Variants in ZPBP observed in about 807,000 individuals in gnomAD.
ZPBP encodes zona pellucida binding protein.
Under a neutral mutation model 44.8 loss-of-function variants are expected in ZPBP, and 26 were observed. The observed-to-expected ratio is 0.58, with a 90% CI of 0.43 to 0.81. The LOEUF (loss-of-function observed/expected upper bound fraction) is 0.81, where lower values mean the gene tolerates loss of function less well. Among genes scored for constraint, ZPBP ranks in the 30% least tolerant of loss-of-function variants. The pLI, the probability that ZPBP is intolerant of heterozygous loss-of-function variation, is 0.00. For missense variants in ZPBP, 409 were observed against 434.0 expected (o/e 0.94, Z 0.51); for synonymous variants, 174 against 153.2 (o/e 1.14, Z -1.00).
intron 2 of ZPBP, among the ~76,000 whole-genome samples, chr7:49,863,423 T>C (rs973467149): frequency 5.3e-5 from 8 of 152,150 alleles, no homozygotes; most frequent in Non-Finnish European, 7.4e-5. Flanking sequence ...TGATTCTCTC[T>C]CCCTTTTTTT....
At chr7:50,017,561 T>G (rs1034132907) in intron 6 of ZPBP, among the ~76,000 whole-genome samples, 4 of 152,124 alleles carry the variant, frequency 2.6e-5, no homozygotes, top group Non-Finnish European at 5.9e-5. Context: ...AAGAATCCCC[T>G]TGTCAATTTC....
At chr7:49,879,963 TTCTC>T (rs1791599034) in intron 2 of ZPBP, among the ~76,000 whole-genome samples, 1 of 152,206 alleles carries the variant, frequency 6.6e-6, no homozygotes, top group African/African-American at 2.4e-5. Flanking sequence ...AATTTCATTC[TTCTC>T]TCTGTTTTAT....
At chr7:49,919,497 C>T (rs1793907289) in intron 1 of ZPBP, 1 of 152,046 alleles carries the variant, frequency 6.6e-6, no homozygotes, top group South Asian at 2.1e-4. Flanking sequence ...ACATAAAAAA[C>T]TAAGTGCCTG....
chr7:49,886,058 A>G (rs902442430), intron 2 of ZPBP, among the ~76,000 whole-genome samples: 13 of 152,208 alleles, frequency 8.5e-5, no homozygotes, highest in Non-Finnish European at 1.8e-4. Flanking sequence ...TGTGTGCAAG[A>G]GCCTGGAGAT....
intron 1 of ZPBP, among the ~76,000 whole-genome samples, chr7:50,090,293 C>T (rs1220914901): frequency 6.6e-6 from 1 of 151,906 alleles, no homozygotes; most frequent in Non-Finnish European, 1.5e-5. Flanking sequence ...TTGTATCATT[C>T]TCATGCCTTT....
At chr7:49,861,324 T>C (rs1240053865) in intron 2 of ZPBP, among the ~76,000 whole-genome samples, 1 of 152,254 alleles carries the variant, frequency 6.6e-6, no homozygotes, top group African/African-American at 2.4e-5. Flanking sequence ...ACTGTTCAAC[T>C]CATTTTATTG....
intron 6 of ZPBP, among the ~76,000 whole-genome samples, chr7:49,985,021 G>A (rs1010221132): frequency 3.3e-5 from 5 of 152,012 alleles, no homozygotes; most frequent in East Asian, 3.9e-4. Flanking sequence ...AAAGATGCAC[G>A]TTACATTAAT....
chr7:49,910,574 T>A (rs1041882169), intron 1 of ZPBP, among the ~76,000 whole-genome samples: 35 of 150,012 alleles, frequency 2.3e-4, no homozygotes, highest in African/African-American at 8.6e-4. Context: ...GATCTACAGG[T>A]ATGAACCATA....
intron 2 of ZPBP, among the ~76,000 whole-genome samples, chr7:50,088,908 C>T (rs1242329191): frequency 6.7e-6 from 1 of 149,754 alleles, no homozygotes; most frequent in Non-Finnish European, 1.5e-5. Flanking sequence ...TTATCCCACC[C>T]TAAAAAGGAA....
intron 2 of ZPBP, among the ~76,000 whole-genome samples, chr7:49,873,257 A>T (rs1383537739): frequency 6.6e-6 from 1 of 152,182 alleles, no homozygotes; most frequent in Non-Finnish European, 1.5e-5. Flanking sequence ...TGGTGGCTGG[A>T]AGTCCAATAT....
At chr7:50,060,134 A>T (rs1460656070) in intron 3 of ZPBP, among the ~76,000 whole-genome samples, 1 of 152,154 alleles carries the variant, frequency 6.6e-6, no homozygotes, top group Non-Finnish European at 1.5e-5. Context: ...CACTCTCACT[A>T]TGGAACTCTG....
intron 7 of ZPBP, among the ~76,000 whole-genome samples, chr7:49,974,064 C>A (rs1280839365): frequency 1.3e-5 from 2 of 152,062 alleles, no homozygotes; most frequent in African/African-American, 4.8e-5. Flanking sequence ...TGTATGATTA[C>A]ACTTGTATAA....
At chr7:49,907,595 A>G (rs1793174906) in intron 1 of ZPBP, among the ~76,000 whole-genome samples, 1 of 152,190 alleles carries the variant, frequency 6.6e-6, no homozygotes, top group African/African-American at 2.4e-5. Context: ...CAGTCCCAGG[A>G]GAGTCTGAGA....
chr7:49,970,514 T>G (rs1434778033), intron 7 of ZPBP, among the ~76,000 whole-genome samples: 2 of 62,994 alleles, frequency 3.2e-5, no homozygotes, highest in Admixed American at 1.8e-4. Flanking sequence ...TTTTTTTTTT[T>G]GTCAAGGGCA....
chr7:50,058,681 GA>G (rs1246357509), intron 3 of ZPBP, among the ~76,000 whole-genome samples: 5 of 151,088 alleles, frequency 3.3e-5, no homozygotes, highest in African/African-American at 7.3e-5. Context: ...GTTTGCAGAA[GA>G]AAAAAAAATA....
At chr7:49,898,503 A>G (rs964928412) in intron 2 of ZPBP, among the ~76,000 whole-genome samples, 1 of 151,892 alleles carries the variant, frequency 6.6e-6, no homozygotes, top group African/African-American at 2.4e-5. Flanking sequence ...TTACTCCTTC[A>G]CTTTTGAAAG....
chr7:49,967,763 C>A, intron 7 of ZPBP, among the ~76,000 whole-genome samples: 1 of 152,148 alleles, frequency 6.6e-6, no homozygotes, highest in Non-Finnish European at 1.5e-5. Flanking sequence ...TCAGGCTGGT[C>A]TTGAACTCCT....
intron 7 of ZPBP, among the ~76,000 whole-genome samples, chr7:49,981,284 T>C: frequency 1.2e-5 from 1 of 81,778 alleles, no homozygotes; most frequent in Admixed American, 2.2e-4. Context: ...TAATATATAT[T>C]ATATAATATA....
chr7:49,979,087 T>A (rs1796660972), intron 7 of ZPBP, among the ~76,000 whole-genome samples: 2 of 152,096 alleles, frequency 1.3e-5, no homozygotes, highest in Admixed American at 6.6e-5. Flanking sequence ...ATAAATTTTA[T>A]TTTATTTAAG....
Sources: allele counts gnomAD v4.1 joint callset (sites outside exome capture counted in the v4.1 genomes callset), GRCh38; gene constraint gnomAD v4.1.1; transcripts MANE v1.5; gene names NCBI Gene and HGNC (gene_info 2026-07-23, HGNC 2026-07-21).